Variants in ADGRG4 observed in about 807,000 individuals in gnomAD.
The protein encoded by ADGRG4 is G protein-coupled receptor 112.
A neutral mutation model predicts 126.2 loss-of-function variants in ADGRG4; 122 were observed. The ratio of observed to expected loss-of-function variants is 0.97; its 90% CI spans 0.83 to 1.12. The LOEUF is 1.12. Among genes scored for constraint, ADGRG4 ranks in the 50% most tolerant of loss-of-function variants. The pLI, the probability that ADGRG4 is intolerant of heterozygous loss-of-function variation, is 0.00. For missense variants in ADGRG4, 2,481 were observed against 2,251.8 expected, an observed-to-expected ratio of 1.10 and a Z score of -2.06; for synonymous variants, 943 against 838.7, an observed-to-expected ratio of 1.12 and a Z score of -2.15.
chrX:136,416,546 A>C lies in ADGRG4; in HGVS notation c.*55A>C. The C allele has an allele frequency of 1.0e-6, 1 of 976,016 alleles. No individual in the cohort carries two copies. The highest frequency in any genetic ancestry group is 1.4e-6 in the Non-Finnish European group (1 of 690,347). 80.4% of individuals were successfully genotyped at this position (976,016 alleles called of 1,213,427 possible). Reference sequence around the variant, plus strand: ...AGAATATAATACCTGTGGAAATAAAAATGAATTCCAAGTGTATACTTGCTC... The same window carrying C: ...AGAATATAATACCTGTGGAAATAAACATGAATTCCAAGTGTATACTTGCTC... On this transcript the variant is annotated 3_prime_UTR_variant, in exon 26 of 26. Coordinates refer to ENST00000394143, the MANE Select transcript of ADGRG4 (RefSeq NM_153834.4).
intron 25 of ADGRG4, among the ~76,000 whole-genome samples, chrX:136,414,925 G>A (rs1399167380): frequency 2.7e-5 from 3 of 112,385 alleles, no homozygotes; most frequent in Non-Finnish European, 5.6e-5. Context: ...TGAGACAGAT[G>A]TTCAGTTGGG....
chrX:136,348,599 A>G lies in ADGRG4; in HGVS notation c.4893A>G (p.Thr1631=), dbSNP rs939625082. Residue 1631 remains threonine (T), a synonymous_variant, in exon 6 of 26, where the codon ACA becomes ACG. Transcript: ENST00000394143. ...KNKMVSSAFT[T]EMIEAPSRIT... ...AAATGGTTTCCTCTGCTTTCACTACAGAAATGATAGAGGCACCTTCCAGGA... is the reference window on the plus strand; with the variant it reads ...AAATGGTTTCCTCTGCTTTCACTACGGAAATGATAGAGGCACCTTCCAGGA... 8.3e-7 allele frequency: 1 copy of G among 1,210,613 alleles called. No homozygotes were observed. The highest frequency in any genetic ancestry group is 1.1e-6 in the Non-Finnish European group (1 of 894,986).
chrX:136,304,025 G>C (rs776773594), intron 1 of ADGRG4, 108 bp from the exon 2 acceptor site: 58 of 111,263 alleles, frequency 5.2e-4, no homozygotes, highest in African/African-American at 1.9e-3. Flanking sequence ...ATAACATCCC[G>C]TGATAGCCTT....
At chrX:136,372,442 T>C (rs1008325827) in intron 14 of ADGRG4, among the ~76,000 whole-genome samples, 1 of 111,849 alleles carries the variant, frequency 8.9e-6, no homozygotes, top group Non-Finnish European at 1.9e-5. Context: ...GGTCATCTTC[T>C]ACATAGCACC....
At chrX:136,370,774 G>A (rs2075187738) in intron 13 of ADGRG4, among the ~76,000 whole-genome samples, 1 of 111,915 alleles carries the variant, frequency 8.9e-6, no homozygotes, top group South Asian at 3.7e-4. Context: ...TTTTGTGTAT[G>A]CTTGCAAATT....
At chrX:136,407,814 T>C (rs2075423402) in intron 23 of ADGRG4, among the ~76,000 whole-genome samples, 1 of 112,039 alleles carries the variant, frequency 8.9e-6, no homozygotes, top group African/African-American at 3.2e-5. Flanking sequence ...GGTTGTATTC[T>C]AGTGTAGGAC....
rs2075001007 is a variant in ADGRG4 at position 136,344,725 on chromosome X, T to C, written c.1019T>C (p.Met340Thr). ...SISIDNTTNS[M>T]KKTKSPSSES... ...TCCATAGACAATACTACCAATTCCATGAAAAAAACGAAATCTCCATCTTCA... is the reference window on the plus strand; with the variant it reads ...TCCATAGACAATACTACCAATTCCACGAAAAAAACGAAATCTCCATCTTCA... Residue 340 changes from methionine to threonine, a missense_variant, in exon 6 of 26, where the codon ATG becomes ACG. By Grantham distance (81) the Met-to-Thr change is moderately conservative. Transcript: ENST00000394143. 2 of 1,206,643 alleles carry C rather than the reference T, an allele frequency of 1.7e-6. No homozygotes were observed. The highest frequency in any genetic ancestry group is 2.2e-5 in the Admixed American group (1 of 45,421).
At chrX:136,304,607 ATG>A (rs896842251) in intron 2 of ADGRG4, among the ~76,000 whole-genome samples, 5 of 112,456 alleles carry the variant, frequency 4.4e-5, no homozygotes, top group African/African-American at 1.6e-4. Flanking sequence ...AAAGAACAGG[ATG>A]TGTTTCCCTG....
rs145577664 is a variant in ADGRG4, at chrX:136,349,846, T to G, written c.6140T>G (p.Met2047Arg). 5.0e-5 allele frequency: 60 copies of G among 1,207,862 alleles called. No homozygotes were observed. In the African/African-American group the frequency reaches 9.1e-4, roughly 18 times the overall value. The change falls in exon 6 of 26, where the codon ATG becomes AGG. Residue 2047 changes from methionine to arginine, a missense_variant. By Grantham distance (91) the Met-to-Arg change is moderately conservative. Transcript: ENST00000394143. Reference sequence around the variant, plus strand: ...AAATCAACATTTCTGACATCTGACATGATATCAGCGCACCCATTCACTAAC... The same window carrying G: ...AAATCAACATTTCTGACATCTGACAGGATATCAGCGCACCCATTCACTAAC... Reference protein sequence around the residue: ...VSKSTFLTSDMISAHPFTNLT... With the variant: ...VSKSTFLTSDRISAHPFTNLT...
In ADGRG4 at chrX:136,404,958, T is replaced by A. The variant is rs1465286759; in HGVS notation, c.8655-734T>A. ...CTAAGTTGACACACAGTTAAATTAGTCAAGCTTCTCTGTGTTCAAAAATCA... is the reference window on the plus strand; with the variant it reads ...CTAAGTTGACACACAGTTAAATTAGACAAGCTTCTCTGTGTTCAAAAATCA... On this transcript the variant is annotated intron_variant, in intron 22 of 25. Coordinates refer to ENST00000394143, the MANE Select transcript of ADGRG4 (RefSeq NM_153834.4). 2.7e-5 allele frequency among the ~76,000 whole-genome samples: 3 copies of A among 112,119 alleles called. No individual in the cohort carries two copies. The East Asian group carries it at 8.3e-4, about 31-fold the overall frequency.
chrX:136,325,801 C>T (rs1440731681), intron 5 of ADGRG4, among the ~76,000 whole-genome samples: 1 of 106,837 alleles, frequency 9.4e-6, no homozygotes, highest in African/African-American at 3.4e-5. Context: ...ACTTCTGCTT[C>T]CCGGGTTCAA....
intron 4 of ADGRG4, among the ~76,000 whole-genome samples, chrX:136,311,591 T>G (rs1299040589): frequency 9.0e-6 from 1 of 111,122 alleles, no homozygotes; most frequent in Non-Finnish European, 1.9e-5. Flanking sequence ...CTTTTGCTCC[T>G]GTATTGGATA....
chrX:136,309,815 G>A lies in ADGRG4; in HGVS notation c.70+968G>A, dbSNP rs151262118. 4.1e-4 allele frequency among the ~76,000 whole-genome samples: 46 copies of A among 111,893 alleles called. No homozygotes were observed. The East Asian group carries it at 0.012, about 29-fold the overall frequency. ...TTTTCCTCTACCTGTTTCCTCAAGGGCAAGAAACTGTATTTTCCCAATTTC... is the reference window on the plus strand; with the variant it reads ...TTTTCCTCTACCTGTTTCCTCAAGGACAAGAAACTGTATTTTCCCAATTTC... On this transcript the variant is annotated intron_variant, in intron 4 of 25. Coordinates refer to ENST00000394143, the MANE Select transcript of ADGRG4 (RefSeq NM_153834.4).
At chrX:136,378,862 A>G (rs1454763386) in intron 15 of ADGRG4, among the ~76,000 whole-genome samples, 1 of 111,843 alleles carries the variant, frequency 8.9e-6, no homozygotes, top group Admixed American at 9.5e-5. Context: ...ATGCATCATC[A>G]TGTTTATGTA....
At chrX:136,334,575 G>A (rs909502745) in intron 5 of ADGRG4, among the ~76,000 whole-genome samples, 4 of 112,013 alleles carry the variant, frequency 3.6e-5, no homozygotes, top group Non-Finnish European at 7.5e-5. Flanking sequence ...CTTCCAATCC[G>A]TGAACACAGT....
In ADGRG4 at chrX:136,348,294, G is replaced by A. The variant is rs1453349596; in HGVS notation, c.4588G>A (p.Asp1530Asn). ...VTAFTSKKVS[D>N]TPPIVITKSS... is the part of the protein sequence containing the mutation. Reference sequence around the variant, plus strand: ...TGCCTTCACCTCCAAAAAAGTTTCTGACACTCCCCCAATAGTGATAACTAA... The same window carrying A: ...TGCCTTCACCTCCAAAAAAGTTTCTAACACTCCCCCAATAGTGATAACTAA... Residue 1530 changes from aspartate (D) to asparagine (N), a missense_variant, in exon 6 of 26, where the codon GAC (aspartate) becomes AAC (asparagine). Coordinates refer to ENST00000394143, the MANE Select transcript of ADGRG4 (RefSeq NM_153834.4). 8.3e-7 allele frequency: 1 copy of A among 1,209,474 alleles called. No individual in the cohort carries two copies. The highest frequency in any genetic ancestry group is 1.1e-6 in the Non-Finnish European group (1 of 893,818).
chrX:136,315,809 C>T (rs1372773851), intron 4 of ADGRG4, among the ~76,000 whole-genome samples: 2 of 112,021 alleles, frequency 1.8e-5, no homozygotes, highest in Non-Finnish European at 3.8e-5. Flanking sequence ...AAAGTGTGGA[C>T]ACACACATGC....
At chrX:136,375,874 G>A (rs1175849161) in intron 15 of ADGRG4, among the ~76,000 whole-genome samples, 2 of 112,164 alleles carry the variant, frequency 1.8e-5, no homozygotes, top group Non-Finnish European at 3.8e-5. Context: ...TTGTTGTGCA[G>A]AAGCTTTTTA....
At chrX:136,322,667 C>A in intron 4 of ADGRG4, 111 bp from the exon 5 acceptor site, 1 of 625,338 alleles carries the variant, frequency 1.6e-6, no homozygotes, top group Non-Finnish European at 2.4e-6. Flanking sequence ...CCAGTATTGA[C>A]TCATAATTAT....
Sources: allele counts gnomAD v4.1 joint callset (sites outside exome capture counted in the v4.1 genomes callset), GRCh38; gene constraint gnomAD v4.1.1; transcripts MANE v1.5; gene names NCBI Gene and HGNC (gene_info 2026-07-23, HGNC 2026-07-21).